The following GRK5 variants were observed in gnomAD, a reference collection of about 807,000 sequenced individuals.
GRK5 encodes g protein-coupled receptor kinase GRK5.
A neutral mutation model predicts 78.4 loss-of-function variants in GRK5; 40 were observed. That is an observed-to-expected ratio of 0.51 (90% confidence interval 0.40 to 0.66). The LOEUF (loss-of-function observed/expected upper bound fraction) is 0.66, where lower values mean the gene tolerates loss of function less well. Among genes scored for constraint, GRK5 ranks in the 30% least tolerant of loss-of-function variants. GRK5 has a pLI of 0.00. For synonymous variants in GRK5, 289 were observed against 296.8 expected (o/e 0.97, Z 0.27); for missense variants, 598 against 759.9 (o/e 0.79, Z 2.50).
At chr10:119,405,401 G>T (rs1254175830) in intron 4 of GRK5, among the ~76,000 whole-genome samples, 2 of 152,142 alleles carry the variant, frequency 1.3e-5, no homozygotes, top group Non-Finnish European at 2.9e-5. Flanking sequence ...CAGGGAAGTT[G>T]GTTCTTGTGA....
At chr10:119,413,413 G>GCACA (rs34125415) in intron 4 of GRK5, among the ~76,000 whole-genome samples, 2 of 150,356 alleles carry the variant, frequency 1.3e-5, no homozygotes, top group African/African-American at 4.9e-5. Flanking sequence ...ACAGGCGCGT[G>GCACA]CACACACACA....
At chr10:119,327,185 G>A (rs1029275100) in intron 2 of GRK5, among the ~76,000 whole-genome samples, 6 of 152,156 alleles carry the variant, frequency 3.9e-5, no homozygotes, top group African/African-American at 1.4e-4. Context: ...GGGCTCAGTG[G>A]CACAGCTTAG....
intron 1 of GRK5, among the ~76,000 whole-genome samples, chr10:119,259,065 C>CTTTTTTTT (rs397950981): frequency 1.5e-5 from 2 of 130,192 alleles, no homozygotes; most frequent in African/African-American, 2.9e-5. Flanking sequence ...CTTTCTTTTT[C>CTTTTTTTT]TTTTTTTTTT....
chr10:119,446,862 G>A (rs75668467), intron 12 of GRK5, among the ~76,000 whole-genome samples: 20,510 of 152,250 alleles, frequency 0.13, 1,540 homozygotes, highest in Middle Eastern at 0.3. Context: ...GTCCCCAGCC[G>A]GTGCAGTGCC....
At chr10:119,265,807 T>C (rs939616824) in intron 1 of GRK5, among the ~76,000 whole-genome samples, 2 of 152,192 alleles carry the variant, frequency 1.3e-5, no homozygotes. Context: ...GCCCTGCAGG[T>C]TCTTGTCCAG....
intron 1 of GRK5, among the ~76,000 whole-genome samples, chr10:119,281,676 T>A (rs1345332530): frequency 6.6e-6 from 1 of 152,164 alleles, no homozygotes. Context: ...CCCGGGGTGG[T>A]GGTTGGCCGC....
rs1310616614 is a variant in GRK5 at position 119,394,348 on chromosome 10, A to G, written c.262-2347A>G. ...TGTATCTGTGTGTCTGTGTGTGGGCATGTGGGTGTGTGGGTGTGTGTGGGT... is the reference window on the plus strand; with the variant it reads ...TGTATCTGTGTGTCTGTGTGTGGGCGTGTGGGTGTGTGGGTGTGTGTGGGT... On this transcript the variant is annotated intron_variant, in intron 3 of 15. Coordinates refer to ENST00000392870, the MANE Select transcript of GRK5 (RefSeq NM_005308.3). Among the ~76,000 whole-genome samples, 11 of 33,160 alleles carry G rather than the reference A, an allele frequency of 3.3e-4. 1 individual carries two copies. Among genetic ancestry groups the G allele is most frequent in the Non-Finnish European group, 5.1e-4 (9 of 17,530 alleles). The allele number at this position is 33,160 out of a possible 152,430, so 21.8% of individuals were successfully genotyped here. A position where few individuals can be genotyped will look rare whatever the true frequency, so the allele number is the denominator to read the frequency against.
chr10:119,392,748 G>A (rs543906902), intron 3 of GRK5, among the ~76,000 whole-genome samples: 11 of 152,240 alleles, frequency 7.2e-5, no homozygotes, highest in Non-Finnish European at 1.3e-4. Context: ...CCTGTGTTTC[G>A]GGGAGGGGAC....
intron 8 of GRK5, 78 bp from the exon 9 acceptor site, chr10:119,436,573 C>T: frequency 7.0e-7 from 1 of 1,431,404 alleles, no homozygotes; most frequent in Non-Finnish European, 9.7e-7. Flanking sequence ...CACCCCAGCT[C>T]CCAGGATCCT....
chr10:119,251,675 A>G (rs17606601), intron 1 of GRK5, among the ~76,000 whole-genome samples: 23,413 of 152,236 alleles, frequency 0.15, 1,901 homozygotes, highest in Middle Eastern at 0.2. Flanking sequence ...TAGCATCTAC[A>G]CACCTAAAGC....
intron 11 of GRK5, among the ~76,000 whole-genome samples, chr10:119,442,684 G>C (rs1467746636): frequency 6.6e-6 from 1 of 152,224 alleles, no homozygotes; most frequent in African/African-American, 2.4e-5. Flanking sequence ...TCCCCTGAGA[G>C]GCGCGTGCCC....
At chr10:119,409,746 G>C (rs1852303441) in intron 4 of GRK5, among the ~76,000 whole-genome samples, 1 of 152,200 alleles carries the variant, frequency 6.6e-6, no homozygotes, top group Admixed American at 6.5e-5. Flanking sequence ...CAGCCCGAAG[G>C]GATGAAGTCT....
rs192474504 is a variant in GRK5, at chr10:119,401,031, G to A, written c.339+4259G>A. Among the ~76,000 whole-genome samples, 154 of 152,228 alleles carry A rather than the reference G, an allele frequency of 1.0e-3. 1 individual carries two copies. The highest frequency in any genetic ancestry group is 2.8e-3 in the African/African-American group (116 of 41,536). Reference sequence around the variant, plus strand: ...AGTGGCATCTGCTCTCTGTGTCCCCGCCCCAGCATGACGCTGGACACATGG... The same window carrying A: ...AGTGGCATCTGCTCTCTGTGTCCCCACCCCAGCATGACGCTGGACACATGG... On this transcript the variant is annotated intron_variant, in intron 4 of 15. Coordinates refer to ENST00000392870, the MANE Select transcript of GRK5 (RefSeq NM_005308.3).
intron 1 of GRK5, among the ~76,000 whole-genome samples, chr10:119,295,311 G>A (rs2133712268): frequency 6.6e-6 from 1 of 152,146 alleles, no homozygotes; most frequent in South Asian, 2.1e-4. Flanking sequence ...GACACAGTTG[G>A]CGCTCAATAG....
rs1259469096 is a variant in GRK5 at position 119,217,010 on chromosome 10, T to TG, written c.52+9045dup. On this transcript the variant is annotated intron_variant, in intron 1 of 15. Transcript: ENST00000392870. This position sits in a 1 kb window ranked among gnomAD's most constrained non-coding sequence, Gnocchi z 4.1. Reference sequence around the variant, plus strand: ...CAAGGTCACTTGAACTGTGGACTTTTGGGGAGCAATTGCAAGTGGATCTCC... The same window carrying TG: ...CAAGGTCACTTGAACTGTGGACTTTTGGGGGAGCAATTGCAAGTGGATCTCC... Among the ~76,000 whole-genome samples, 1 of 152,226 alleles carries TG rather than the reference T, an allele frequency of 6.6e-6. No homozygotes were observed. Among genetic ancestry groups the TG allele is most frequent in the South Asian group, 2.1e-4 (1 of 4,832 alleles).
At chr10:119,239,137 G>C (rs1287850553) in intron 1 of GRK5, among the ~76,000 whole-genome samples, 1 of 151,850 alleles carries the variant, frequency 6.6e-6, no homozygotes, top group East Asian at 1.9e-4. Context: ...ATAAATAAAA[G>C]AGCTCCCCAG....
At chr10:119,279,172 G>A (rs1196324248) in intron 1 of GRK5, among the ~76,000 whole-genome samples, 3 of 152,160 alleles carry the variant, frequency 2.0e-5, no homozygotes, top group Non-Finnish European at 2.9e-5. Context: ...GAGCCACTGC[G>A]CCTGGCCCCT....
At chr10:119,225,085 G>GGTTA (rs1378195532) in intron 1 of GRK5, among the ~76,000 whole-genome samples, 2 of 152,092 alleles carry the variant, frequency 1.3e-5, no homozygotes, top group Non-Finnish European at 2.9e-5. Flanking sequence ...AGCCAAGAGG[G>GGTTA]GTTACATTTG....
rs1179645179 is a variant in GRK5, at chr10:119,457,234, C to T, written c.*2167C>T. 2 of 152,210 alleles carry T rather than the reference C, an allele frequency of 1.3e-5. No individual in the cohort carries two copies. Among genetic ancestry groups the T allele is most frequent in the Non-Finnish European group, 2.9e-5 (2 of 68,064 alleles). The allele number at this position is 152,210 out of a possible 1,614,324, so 9.4% of individuals were successfully genotyped here. ...CAGCCACCCATCCAGGAGGTTGGTT[C>T]CTTTTGCCCAGTTCATAGCAGCTCA... On this transcript the variant is annotated 3_prime_UTR_variant, in exon 16 of 16. Coordinates refer to ENST00000392870, the MANE Select transcript of GRK5 (RefSeq NM_005308.3).
Sources: gnomAD v4.1 joint callset for allele counts (sites outside exome capture counted in the v4.1 genomes callset) on GRCh38, gnomAD v4.1.1 for gene constraint, Gnocchi (gnomAD v3.1) non-coding constraint, MANE v1.5 for transcripts, NCBI Gene and HGNC (gene_info 2026-07-23, HGNC 2026-07-21) for gene names.